The following PDE3B variants were observed in gnomAD, a reference collection of about 807,000 sequenced individuals.
PDE3B encodes the protein cGMP-inhibited 3',5'-cyclic phosphodiesterase 3B.
Under a neutral mutation model 116.8 loss-of-function variants are expected in PDE3B, and 66 were observed. The observed-to-expected ratio is 0.56, with a 90% CI of 0.46 to 0.69. PDE3B has a LOEUF of 0.69. PDE3B is among the 30% of genes least tolerant of loss of function. The pLI is 0.00. For synonymous variants in PDE3B, 595 were observed against 533.6 expected, an observed-to-expected ratio of 1.12 and a Z score of -1.59; for missense variants, 1,384 against 1,368.1, an observed-to-expected ratio of 1.01 and a Z score of -0.18.
chr11:14,782,824 A>C (rs1406468605), intron 2 of PDE3B, among the ~76,000 whole-genome samples: 4 of 152,328 alleles, frequency 2.6e-5, no homozygotes, highest in Admixed American at 1.3e-4. Flanking sequence ...TGAACAGGCA[A>C]CCTACAGAAT....
intron 4 of PDE3B, among the ~76,000 whole-genome samples, chr11:14,793,812 T>C (rs547037084): frequency 1.3e-5 from 2 of 152,304 alleles, no homozygotes; most frequent in East Asian, 3.9e-4. Context: ...TGCCTGGCAA[T>C]AGTATGTATG....
chr11:14,856,718 G>C (rs782092556), intron 12 of PDE3B, among the ~76,000 whole-genome samples: 1 of 152,038 alleles, frequency 6.6e-6, no homozygotes, highest in Non-Finnish European at 1.5e-5. Context: ...GCTGGGCGTG[G>C]TGGCGGGCAC....
At chr11:14,862,227 T>G (rs186660804) in intron 14 of PDE3B, among the ~76,000 whole-genome samples, 2 of 152,202 alleles carry the variant, frequency 1.3e-5, no homozygotes, top group Non-Finnish European at 2.9e-5. Flanking sequence ...GATGGTCACC[T>G]GACATTTCTG....
At chr11:14,723,521 A>C (rs1856185991) in intron 1 of PDE3B, among the ~76,000 whole-genome samples, 1 of 152,116 alleles carries the variant, frequency 6.6e-6, no homozygotes, top group Non-Finnish European at 1.5e-5. Flanking sequence ...TTGGAGGCTA[A>C]GGTGGGAGGA....
chr11:14,799,186 T>C (rs866736416), intron 4 of PDE3B, among the ~76,000 whole-genome samples: 1 of 152,254 alleles, frequency 6.6e-6, no homozygotes, highest in African/African-American at 2.4e-5. Flanking sequence ...CATTTTGTTA[T>C]GTACCCAGTA....
At chr11:14,763,761 A>G (rs138115437) in intron 1 of PDE3B, among the ~76,000 whole-genome samples, 23 of 152,262 alleles carry the variant, frequency 1.5e-4, no homozygotes, top group Non-Finnish European at 2.5e-4. Context: ...TGATAAATAA[A>G]AACAAGGTCT....
the PDE3B span, chr11:14,892,036 G>A: frequency 1.2e-6 from 2 of 1,613,226 alleles, no homozygotes; most frequent in East Asian, 2.2e-5. Context: ...CTCGGATGAG[G>A]CTGCCAGGGA....
At chr11:14,849,876 T>C (rs1467336338) in intron 12 of PDE3B, among the ~76,000 whole-genome samples, 3 of 151,302 alleles carry the variant, frequency 2.0e-5, no homozygotes, top group Non-Finnish European at 1.5e-5. Flanking sequence ...AGGAACACTT[T>C]TACACTGTTG....
chr11:14,892,541 G>C, the PDE3B span, among the ~76,000 whole-genome samples: 1 of 152,204 alleles, frequency 6.6e-6, no homozygotes, highest in African/African-American at 2.4e-5. Context: ...GGCGGATCCT[G>C]CCTCTCTGGG....
At position 14,830,742 on chromosome 11, in the gene PDE3B, G is replaced by A. The variant is rs1859856180; in HGVS notation, c.1852G>A (p.Glu618Lys). 6.7e-7 allele frequency: 1 copy of A among 1,495,986 alleles called. No homozygotes were observed. Among genetic ancestry groups the A allele is most frequent in the Non-Finnish European group, 8.9e-7 (1 of 1,124,448 alleles). The allele number at this position is 1,495,986 out of a possible 1,614,324, so 92.7% of individuals were successfully genotyped here. Residue 618 changes from glutamate (E) to lysine (K), a missense_variant, in exon 8 of 16, where the codon GAA becomes AAA. Physicochemically the swap from Glu to Lys is moderately conservative, Grantham distance 56 (BLOSUM62 1). This residue lies in a region of PDE3B where 956 missense variants were observed against 806.8 expected (regional missense o/e 1.18). Coordinates refer to ENST00000282096, the MANE Select transcript of PDE3B (RefSeq NM_000922.4). Reference protein sequence around the residue: ...IFSKESFKLMETQQEEETEKK... With the variant: ...IFSKESFKLMKTQQEEETEKK... ...CTCGAAAGAATCATTCAAACTTATGGAAACTCAACAAGAAGAGGAAACAGA... is the reference window on the plus strand; with the variant it reads ...CTCGAAAGAATCATTCAAACTTATGAAAACTCAACAAGAAGAGGAAACAGA...
At chr11:14,737,345 C>T (rs1035190363) in intron 1 of PDE3B, among the ~76,000 whole-genome samples, 13 of 152,266 alleles carry the variant, frequency 8.5e-5, no homozygotes, top group African/African-American at 2.9e-4. Context: ...AGGCAGGCGC[C>T]CTGCCACTAT....
chr11:14,733,328 A>T (rs1274916570), intron 1 of PDE3B, among the ~76,000 whole-genome samples: 7 of 152,056 alleles, frequency 4.6e-5, no homozygotes, highest in Non-Finnish European at 1.0e-4. Flanking sequence ...TCTTATTTTA[A>T]TTTTTTATTT....
At chr11:14,679,835 C>T (rs572129423) in intron 1 of PDE3B, among the ~76,000 whole-genome samples, 2 of 151,926 alleles carry the variant, frequency 1.3e-5, no homozygotes, top group South Asian at 2.1e-4. Flanking sequence ...CTACAGTTCA[C>T]GGAATGGAGC....
intron 1 of PDE3B, among the ~76,000 whole-genome samples, chr11:14,727,306 T>C (rs1183170863): frequency 2.6e-5 from 4 of 152,070 alleles, no homozygotes; most frequent in African/African-American, 7.2e-5. Flanking sequence ...TTGAAGAAAT[T>C]TACATTTTTT....
In PDE3B at chr11:14,832,930, A is replaced by C. The variant is rs535326654; in HGVS notation, c.2206+97A>C. 8 of 610,296 alleles carry C rather than the reference A, an allele frequency of 1.3e-5. No homozygotes were observed. In the East Asian group the frequency reaches 2.6e-4, roughly 19 times the overall value. The allele number at this position is 610,296 out of a possible 1,614,324, so 37.8% of individuals were successfully genotyped here. ...TCAGATGGTCCCTTAAACACTTTTAAAACTGCTTGTTTGAAATTTTCTTTT... is the reference window on the plus strand; with the variant it reads ...TCAGATGGTCCCTTAAACACTTTTACAACTGCTTGTTTGAAATTTTCTTTT... On this transcript the variant is annotated intron_variant, in intron 10 of 15. Transcript: ENST00000282096.
intron 1 of PDE3B, among the ~76,000 whole-genome samples, chr11:14,722,413 TA>T (rs1224826528): frequency 6.6e-6 from 1 of 151,818 alleles, no homozygotes; most frequent in Non-Finnish European, 1.5e-5. Context: ...ATAAATCCAA[TA>T]AAAAAATAAC....
the PDE3B span, among the ~76,000 whole-genome samples, chr11:14,888,783 C>T: frequency 6.6e-6 from 1 of 152,192 alleles, no homozygotes; most frequent in Non-Finnish European, 1.5e-5. Flanking sequence ...ATAAAGTTCT[C>T]AATAAATGCT....
At chr11:14,893,457 A>G in the PDE3B span, among the ~76,000 whole-genome samples, 1 of 152,206 alleles carries the variant, frequency 6.6e-6, no homozygotes, top group Non-Finnish European at 1.5e-5. Context: ...TTAAAACCAC[A>G]CAAATTTATT....
intron 12 of PDE3B, among the ~76,000 whole-genome samples, chr11:14,847,760 C>G (rs1029940986): frequency 2.0e-5 from 3 of 152,172 alleles, no homozygotes; most frequent in Non-Finnish European, 4.4e-5. Flanking sequence ...CATTCCTCGA[C>G]ACATACACCC....
Sources: gnomAD v4.1 joint callset for allele counts (sites outside exome capture counted in the v4.1 genomes callset) on GRCh38, gnomAD v4.1.1 for gene constraint, gnomAD v4.1.1 regional missense constraint, MANE v1.5 for transcripts, NCBI Gene and HGNC (gene_info 2026-07-23, HGNC 2026-07-21) for gene names.